The following STK39 variants were observed in gnomAD, a reference collection of about 807,000 sequenced individuals.
STK39 encodes the protein STE20/SPS1-related proline-alanine-rich protein kinase.
STK39 carries 20 observed loss-of-function variants against 77.8 expected under a neutral mutation model. The ratio of observed to expected loss-of-function variants is 0.26; its 90% confidence interval spans 0.18 to 0.37. The LOEUF is 0.37. Among genes scored for constraint, STK39 ranks in the 10% least tolerant of loss-of-function variants. The pLI is 1.00. For synonymous variants in STK39, 246 were observed against 234.1 expected (o/e 1.05, Z -0.47); for missense variants, 479 against 656.5 (o/e 0.73, Z 2.95).
At chr2:168,242,892 C>CAA (rs56028340) in intron 1 of STK39, among the ~76,000 whole-genome samples, 3,868 of 133,118 alleles carry the variant, frequency 0.029, 185 homozygotes, top group African/African-American at 0.1. Context: ...GACCCTTTAT[C>CAA]AAAAAAAAAA....
At chr2:168,207,111 A>G in intron 1 of STK39, among the ~76,000 whole-genome samples, 1 of 152,224 alleles carries the variant, frequency 6.6e-6, no homozygotes, top group East Asian at 1.9e-4. Context: ...AAAGATATGA[A>G]AGCTACCTTT....
chr2:168,207,839 A>C (rs1375935675), intron 1 of STK39, among the ~76,000 whole-genome samples: 1 of 152,234 alleles, frequency 6.6e-6, no homozygotes, highest in African/African-American at 2.4e-5. Flanking sequence ...CCAACGTCAA[A>C]GAGCTAATCA....
At chr2:168,197,470 C>T (rs900246372) in intron 1 of STK39, among the ~76,000 whole-genome samples, 3 of 152,136 alleles carry the variant, frequency 2.0e-5, no homozygotes, top group Admixed American at 1.3e-4. Flanking sequence ...GAACCTCCAA[C>T]ATCAGGAACA....
intron 14 of STK39, among the ~76,000 whole-genome samples, chr2:168,036,962 A>G (rs541256542): frequency 2.6e-4 from 39 of 152,382 alleles, no homozygotes; most frequent in African/African-American, 8.2e-4. Flanking sequence ...TACGTTCAGA[A>G]TAACCTAATT....
intron 1 of STK39, among the ~76,000 whole-genome samples, chr2:168,192,933 C>A (rs1020264466): frequency 6.6e-6 from 1 of 152,122 alleles, no homozygotes; most frequent in Admixed American, 6.5e-5. Context: ...CTATTAACTC[C>A]CCCTCTTCAA....
At chr2:168,179,268 A>G (rs947446596) in intron 2 of STK39, among the ~76,000 whole-genome samples, 1 of 152,256 alleles carries the variant, frequency 6.6e-6, no homozygotes, top group African/African-American at 2.4e-5. Flanking sequence ...CTGAAATAAT[A>G]AAAGTGCAAG....
At chr2:168,072,268 G>C (rs1218583710) in intron 12 of STK39, among the ~76,000 whole-genome samples, 2 of 152,200 alleles carry the variant, frequency 1.3e-5, no homozygotes. Flanking sequence ...TGTTCAAACT[G>C]ATGACTTCTG....
At chr2:168,121,218 G>A (rs1195438442) in intron 10 of STK39, among the ~76,000 whole-genome samples, 1 of 152,142 alleles carries the variant, frequency 6.6e-6, no homozygotes, top group African/African-American at 2.4e-5. Flanking sequence ...TGCTTATTTG[G>A]CCATGTGACT....
In STK39 at chr2:167,955,467, C is replaced by T. The variant is rs752713771; in HGVS notation, c.*29G>A. ...GAGTAGGGGTGGCGGTGGGGCATGACAGATCAGGGTGACATCAAGGGACAT... is the reference window on the plus strand; with the variant it reads ...GAGTAGGGGTGGCGGTGGGGCATGATAGATCAGGGTGACATCAAGGGACAT... On this transcript the variant is annotated 3_prime_UTR_variant, in exon 18 of 18. Coordinates refer to ENST00000355999, the MANE Select transcript of STK39 (RefSeq NM_013233.3). 6 of 1,607,612 alleles carry T rather than the reference C, an allele frequency of 3.7e-6. No homozygotes were observed. In the Admixed American group the frequency reaches 1.0e-4, roughly 27 times the overall value.
At chr2:168,096,678 T>C (rs570757053) in intron 10 of STK39, among the ~76,000 whole-genome samples, 1 of 152,306 alleles carries the variant, frequency 6.6e-6, no homozygotes, top group African/African-American at 2.4e-5. Flanking sequence ...TTTGAGATCA[T>C]TATGTACTCT....
chr2:168,247,148 C>A (rs1213545143), intron 1 of STK39, 80 bp downstream of exon 1: 1 of 1,013,836 alleles, frequency 9.9e-7, no homozygotes, highest in East Asian at 7.2e-5. Context: ...TGCATGCAGG[C>A]TAGCCCAGCA....
chr2:168,064,452 G>C (rs554655886), intron 13 of STK39, among the ~76,000 whole-genome samples: 1 of 152,212 alleles, frequency 6.6e-6, no homozygotes, highest in Non-Finnish European at 1.5e-5. Context: ...GTGTGACTAT[G>C]GGGGAGCCAC....
At chr2:168,012,550 T>C in intron 16 of STK39, 84 bp downstream of exon 16, 1 of 1,019,966 alleles carries the variant, frequency 9.8e-7, no homozygotes, top group African/African-American at 1.6e-5. Context: ...GAGTGAATTA[T>C]TCCTTAATGA....
intron 10 of STK39, among the ~76,000 whole-genome samples, chr2:168,095,494 CT>C (rs1394390526): frequency 2.6e-5 from 4 of 152,058 alleles, no homozygotes; most frequent in East Asian, 3.9e-4. Context: ...TCCCAGAACA[CT>C]TTTTTTCCCC....
rs1690960756 is a variant in STK39, at chr2:168,247,386, G to T, written c.50C>A (p.Ala17Glu). The T allele has an allele frequency of 8.8e-7, 1 of 1,140,952 alleles. No individual in the cohort carries two copies. The highest frequency in any genetic ancestry group is 4.2e-5 in the East Asian group (1 of 23,544). The allele number at this position is 1,140,952 out of a possible 1,614,324, so 70.7% of individuals were successfully genotyped here. Residue 17 changes from alanine (A) to glutamate (E), a missense_variant, in exon 1 of 18, where the codon GCG becomes GAG. Coordinates refer to ENST00000355999, the MANE Select transcript of STK39 (RefSeq NM_013233.3). Reference protein sequence around the residue: ...SPVHVQLPQQAAPVTAAAAAA... With the variant: ...SPVHVQLPQQEAPVTAAAAAA... ...CGCCGCCGCCGCTGTCACCGGGGCC[G>T]CCTGCTGGGGAAGCTGGACGTGCAC...
intron 1 of STK39, among the ~76,000 whole-genome samples, chr2:168,189,419 A>C (rs1166988135): frequency 6.6e-6 from 1 of 152,080 alleles, no homozygotes; most frequent in Non-Finnish European, 1.5e-5. Context: ...ACTAAAAAAA[A>C]AAAACCAAAA....
chr2:168,168,673 C>T (rs895283856), intron 2 of STK39, among the ~76,000 whole-genome samples: 16 of 152,186 alleles, frequency 1.1e-4, no homozygotes, highest in African/African-American at 2.7e-4. Context: ...AACACTCATA[C>T]GTTCCTTAAC....
intron 12 of STK39, among the ~76,000 whole-genome samples, chr2:168,074,387 T>C (rs1218589046): frequency 6.6e-6 from 1 of 152,214 alleles, no homozygotes; most frequent in Non-Finnish European, 1.5e-5. Context: ...TCATTAGGCA[T>C]TAGGATAATT....
At chr2:168,232,411 A>G (rs1002558014) in intron 1 of STK39, among the ~76,000 whole-genome samples, 8 of 152,200 alleles carry the variant, frequency 5.3e-5, no homozygotes, top group African/African-American at 1.9e-4. Flanking sequence ...TCCAAAAGAC[A>G]AGGAAATATT....
Sources: allele counts gnomAD v4.1 joint callset (sites outside exome capture counted in the v4.1 genomes callset), GRCh38; gene constraint gnomAD v4.1.1; transcripts MANE v1.5; gene names NCBI Gene and HGNC (gene_info 2026-07-23, HGNC 2026-07-21).